The following TMBIM4 variants were observed in gnomAD, a reference collection of about 807,000 sequenced individuals.
TMBIM4 encodes the protein transmembrane BAX inhibitor motif containing 4.
TMBIM4 carries 28 observed loss-of-function variants against 27.7 expected under a neutral mutation model. The ratio of observed to expected loss-of-function variants is 1.01; its 90% confidence interval spans 0.75 to 1.38. The LOEUF is 1.38. Ranked by LOEUF, TMBIM4 falls within the 40% of genes most tolerant of loss-of-function variation. TMBIM4 has a pLI of 0.00. For synonymous variants in TMBIM4, 115 were observed against 113.1 expected, an observed-to-expected ratio of 1.02 and a Z score of -0.11; for missense variants, 265 against 277.5, an observed-to-expected ratio of 0.95 and a Z score of 0.32.
intron 1 of TMBIM4, among the ~76,000 whole-genome samples, chr12:66,167,196 A>T (rs1797411): frequency 0.12 from 17,839 of 152,180 alleles, 3,077 homozygotes; most frequent in African/African-American, 0.38. Context: ...ATGTCATTAA[A>T]CATTTGTCAA....
chr12:66,150,565 A>G (rs2051829022), intron 3 of TMBIM4, among the ~76,000 whole-genome samples: 1 of 152,130 alleles, frequency 6.6e-6, no homozygotes, highest in Non-Finnish European at 1.5e-5. Flanking sequence ...AGCACGTGCC[A>G]TAACATCTGG....
intron 1 of TMBIM4, among the ~76,000 whole-genome samples, chr12:66,164,541 G>T (rs2052095132): frequency 1.3e-5 from 2 of 152,196 alleles, no homozygotes; most frequent in Admixed American, 1.3e-4. Context: ...TCCTGGAACT[G>T]GGGTTAGTCA....
rs74097900 is a variant in TMBIM4, at chr12:66,156,076, C to T, written c.98-2628G>A. Among the ~76,000 whole-genome samples, 1,373 of 152,148 alleles carry T rather than the reference C, an allele frequency of 9.0e-3. 15 individuals carry two copies. Among genetic ancestry groups the T allele is most frequent in the African/African-American group, 0.031 (1,298 of 41,496 alleles). ...ATACTTTAGTATCATAAGCCAAATC[C>T]CAGGCAAAAGCAGTATTGACACCCA... On this transcript the variant is annotated intron_variant, in intron 1 of 6. Transcript: ENST00000358230.
chr12:66,167,802 C>T (rs1193374746), intron 1 of TMBIM4, among the ~76,000 whole-genome samples: 1 of 152,178 alleles, frequency 6.6e-6, no homozygotes, highest in Non-Finnish European at 1.5e-5. Context: ...GAGGTATGTG[C>T]ACACCTATAT....
rs1257279107 is a variant in TMBIM4, at chr12:66,169,973, G to A, written c.-22C>T. 6.8e-7 allele frequency: 1 copy of A among 1,462,110 alleles called. No homozygotes were observed. The highest frequency in any genetic ancestry group is 9.1e-7 in the Non-Finnish European group (1 of 1,104,160). The allele number at this position is 1,462,110 out of a possible 1,614,324, so 90.6% of individuals were successfully genotyped here. A position where few individuals can be genotyped will look rare whatever the true frequency, so the allele number is the denominator to read the frequency against. ...CCATGATGGCAACAGCACCCCTACC[G>A]GTCCCGGTCCACTAACCGCAACCGC... On this transcript the variant is annotated 5_prime_UTR_variant, in exon 1 of 7. Transcript: ENST00000358230.
At chr12:66,149,644 T>G (rs963216916) in intron 3 of TMBIM4, among the ~76,000 whole-genome samples, 1 of 152,012 alleles carries the variant, frequency 6.6e-6, no homozygotes, top group Non-Finnish European at 1.5e-5. Flanking sequence ...TTAAAACATA[T>G]ACACACATGC....
chr12:66,149,891 C>T (rs905761777), intron 3 of TMBIM4, among the ~76,000 whole-genome samples: 1 of 151,542 alleles, frequency 6.6e-6, no homozygotes, highest in East Asian at 1.9e-4. Context: ...CATGCATACA[C>T]ACACACACAC....
At chr12:66,167,471 T>C (rs117433241) in intron 1 of TMBIM4, among the ~76,000 whole-genome samples, 1 of 152,208 alleles carries the variant, frequency 6.6e-6, no homozygotes, top group African/African-American at 2.4e-5. Context: ...GGAAAATGTA[T>C]AAATGCCCCA....
chr12:66,143,563 T>A (rs998843402), intron 5 of TMBIM4, among the ~76,000 whole-genome samples: 4 of 152,168 alleles, frequency 2.6e-5, no homozygotes, highest in Non-Finnish European at 5.9e-5. Flanking sequence ...AATGACCAGT[T>A]GCCACAGTTA....
chr12:66,149,444 C>CAA (rs61425460), intron 3 of TMBIM4, among the ~76,000 whole-genome samples: 116 of 74,310 alleles, frequency 1.6e-3, no homozygotes, highest in South Asian at 6.4e-3. Flanking sequence ...GACCCTGTCT[C>CAA]AAAAAAAAAA....
At position 66,138,002 on chromosome 12, in the gene TMBIM4, G is replaced by A. The variant is rs1261654313; in HGVS notation, c.675C>T (p.Phe225=). ...ISLYLDIINL[F]LHLLRFLEAV... ...CTTCCAGAAACCGTAACAGGTGCAG[G>A]AATAGATTGATGATATCCAAGTAGA... is the stretch of plus-strand genomic sequence containing the variant. Residue 225 remains phenylalanine, a synonymous_variant, in exon 7 of 7, where the codon TTC becomes TTT. Transcript: ENST00000358230. The A allele has an allele frequency of 1.9e-6, 3 of 1,613,950 alleles. No homozygotes were observed. The highest frequency in any genetic ancestry group is 2.2e-5 in the South Asian group (2 of 91,072).
intron 1 of TMBIM4, chr12:66,169,446 C>T (rs1459339353): frequency 3.9e-6 from 2 of 515,146 alleles, no homozygotes; most frequent in Non-Finnish European, 3.4e-6. Context: ...AGAACAAAAA[C>T]ATCAGGCCGT....
chr12:66,157,375 C>T (rs908537185), intron 1 of TMBIM4, among the ~76,000 whole-genome samples: 2 of 152,208 alleles, frequency 1.3e-5, no homozygotes, highest in African/African-American at 4.8e-5. Flanking sequence ...CACCCCCAGT[C>T]AAGCCTCCAG....
chr12:66,166,687 T>A (rs1381854684), intron 1 of TMBIM4, among the ~76,000 whole-genome samples: 1 of 152,212 alleles, frequency 6.6e-6, no homozygotes, highest in Non-Finnish European at 1.5e-5. Flanking sequence ...TCTCATTCAT[T>A]GCTGGTGGAA....
At chr12:66,140,173 A>C (rs1386768701) in intron 5 of TMBIM4, among the ~76,000 whole-genome samples, 2 of 152,222 alleles carry the variant, frequency 1.3e-5, no homozygotes, top group Admixed American at 6.5e-5. Context: ...GAAACAATCA[A>C]TAGAAACAAA....
intron 3 of TMBIM4, among the ~76,000 whole-genome samples, chr12:66,151,501 A>G (rs1260891017): frequency 3.3e-5 from 5 of 152,208 alleles, no homozygotes; most frequent in Non-Finnish European, 7.3e-5. Context: ...AGCCTTCCAG[A>G]GTGCTGGGAT....
chr12:66,148,086 G>A lies in TMBIM4; in HGVS notation c.313-145C>T, dbSNP rs2051781589. ...CCCTGCGAAGTATATGGGGCAGTTA[G>A]TAAACCCACCATAATGAAAATGAGA... On this transcript the variant is annotated intron_variant, in intron 3 of 6. Coordinates refer to ENST00000358230, the MANE Select transcript of TMBIM4 (RefSeq NM_016056.4). 5.1e-6 allele frequency: 3 copies of A among 587,396 alleles called. No individual in the cohort carries two copies. The East Asian group carries it at 9.1e-5, about 18-fold the overall frequency. 36.4% of individuals were successfully genotyped at this position (587,396 alleles called of 1,614,324 possible).
At chr12:66,145,651 TCAA>T (rs1317615675) in intron 5 of TMBIM4, among the ~76,000 whole-genome samples, 187 bp downstream of exon 5, 1 of 151,976 alleles carries the variant, frequency 6.6e-6, no homozygotes, top group African/African-American at 2.4e-5. Flanking sequence ...AGCAAATAAG[TCAA>T]AGCCACTTTC....
chr12:66,145,940 T>C lies in TMBIM4; in HGVS notation c.365A>G (p.Tyr122Cys). 1 of 1,557,790 alleles carries C rather than the reference T, an allele frequency of 6.4e-7. No individual in the cohort carries two copies. The highest frequency in any genetic ancestry group is 8.8e-7 in the Non-Finnish European group (1 of 1,131,974). ...CAGTATGAAAGCTTGCAGAATAATA[T>C]ATACATCATAGAAAGTAACTGTAAA... ...VAVVVTFYDV[Y>C]IILQAFILTT... Residue 122 changes from tyrosine (Y) to cysteine (C), a missense_variant, in exon 5 of 7, where the codon TAT becomes TGT. By Grantham distance (194) the Tyr-to-Cys change is radical. Coordinates refer to ENST00000358230, the MANE Select transcript of TMBIM4 (RefSeq NM_016056.4).
Sources: gnomAD v4.1 joint callset for allele counts (sites outside exome capture counted in the v4.1 genomes callset) on GRCh38, gnomAD v4.1.1 for gene constraint, MANE v1.5 for transcripts, NCBI Gene and HGNC (gene_info 2026-07-23, HGNC 2026-07-21) for gene names.